The following LUZP2 variants were observed in gnomAD, a reference collection of about 807,000 sequenced individuals.
The protein encoded by LUZP2 is leucine zipper protein 2.
In LUZP2, 52 loss-of-function variants were observed where a neutral mutation model predicts 51.6. The ratio of observed to expected loss-of-function variants is 1.01; its 90% CI spans 0.81 to 1.27. The LOEUF (loss-of-function observed/expected upper bound fraction) is 1.27. LUZP2 is among the 50% of genes most tolerant of loss of function. The pLI is 0.00. For missense variants in LUZP2, 436 were observed against 395.4 expected (o/e 1.10, Z -0.87); for synonymous variants, 154 against 137.3 (o/e 1.12, Z -0.85).
At chr11:25,037,516 A>C (rs1857903084) in intron 9 of LUZP2, among the ~76,000 whole-genome samples, 1 of 152,050 alleles carries the variant, frequency 6.6e-6, no homozygotes, top group Non-Finnish European at 1.5e-5. Flanking sequence ...GCTGGTTGTC[A>C]TGTAGATTTG....
chr11:24,882,221 T>A (rs1852491385), intron 5 of LUZP2, among the ~76,000 whole-genome samples: 1 of 152,084 alleles, frequency 6.6e-6, no homozygotes. Context: ...ATATTGTCTA[T>A]TGTTCTGTAG....
intron 9 of LUZP2, among the ~76,000 whole-genome samples, chr11:25,024,535 T>C (rs555769867): frequency 6.6e-6 from 1 of 152,000 alleles, no homozygotes; most frequent in Admixed American, 6.6e-5. Context: ...CATGAGTGAA[T>C]TCCCATTTAC....
At chr11:24,677,594 C>G (rs1304823341) in intron 1 of LUZP2, among the ~76,000 whole-genome samples, 3 of 152,142 alleles carry the variant, frequency 2.0e-5, no homozygotes. Context: ...CCTGACCATT[C>G]TAGGTAGGTC....
At chr11:24,805,368 T>A (rs1421350519) in intron 5 of LUZP2, among the ~76,000 whole-genome samples, 1 of 152,076 alleles carries the variant, frequency 6.6e-6, no homozygotes, top group African/African-American at 2.4e-5. Context: ...CAATTCAATA[T>A]GAGATTTGGG....
intron 7 of LUZP2, among the ~76,000 whole-genome samples, chr11:24,919,843 C>T (rs932204262): frequency 1.3e-5 from 2 of 150,980 alleles, no homozygotes; most frequent in African/African-American, 4.8e-5. Flanking sequence ...CAATAGTTTA[C>T]TCTCCCATCA....
At chr11:25,034,741 C>A (rs1857797230) in intron 9 of LUZP2, among the ~76,000 whole-genome samples, 2 of 152,030 alleles carry the variant, frequency 1.3e-5, no homozygotes, top group South Asian at 4.1e-4. Context: ...AGGTGTCCGA[C>A]TTTATTTCTG....
At chr11:24,648,915 C>A (rs1360111020) in intron 1 of LUZP2, among the ~76,000 whole-genome samples, 1 of 151,782 alleles carries the variant, frequency 6.6e-6, no homozygotes, top group Non-Finnish European at 1.5e-5. Flanking sequence ...CTTTAATGAC[C>A]CCTCTAAATA....
intron 10 of LUZP2, among the ~76,000 whole-genome samples, chr11:25,068,637 G>C (rs893136018): frequency 5.9e-5 from 9 of 151,936 alleles, no homozygotes; most frequent in African/African-American, 2.2e-4. Context: ...GTAGAGTGCT[G>C]TTCATAAATC....
chr11:24,872,603 A>G (rs1045946546), intron 5 of LUZP2, among the ~76,000 whole-genome samples: 5 of 152,196 alleles, frequency 3.3e-5, no homozygotes, highest in African/African-American at 1.2e-4. Flanking sequence ...AGAGCAATTT[A>G]GGCATATGGA....
At chr11:25,069,236 C>T (rs994230769) in intron 10 of LUZP2, among the ~76,000 whole-genome samples, 29 of 151,686 alleles carry the variant, frequency 1.9e-4, no homozygotes, top group African/African-American at 7.0e-4. Context: ...TTGAACGATC[C>T]CAAATTTGCA....
intron 7 of LUZP2, among the ~76,000 whole-genome samples, chr11:24,918,445 C>G (rs1247914127): frequency 6.6e-6 from 1 of 151,820 alleles, no homozygotes; most frequent in Non-Finnish European, 1.5e-5. Flanking sequence ...CAGTTTTTGC[C>G]GATTCAGTAG....
At chr11:24,541,980 A>G (rs1851381338) in intron 1 of LUZP2, among the ~76,000 whole-genome samples, 1 of 152,082 alleles carries the variant, frequency 6.6e-6, no homozygotes, top group Admixed American at 6.6e-5. Context: ...TATTTCTGAG[A>G]CAGAATGGAT....
At chr11:24,656,180 G>GGA (rs927991704) in intron 1 of LUZP2, among the ~76,000 whole-genome samples, 2 of 152,114 alleles carry the variant, frequency 1.3e-5, no homozygotes, top group Admixed American at 1.3e-4. Flanking sequence ...ATGCTGCTTA[G>GGA]GAGTGTCTTA....
chr11:25,036,870 TA>T (rs991170892), intron 9 of LUZP2, among the ~76,000 whole-genome samples: 43 of 152,142 alleles, frequency 2.8e-4, no homozygotes, highest in Non-Finnish European at 1.5e-5. Context: ...CTTGCTTTAT[TA>T]TTGAACATGT....
chr11:24,557,016 C>T (rs1011600418), intron 1 of LUZP2, among the ~76,000 whole-genome samples: 3 of 152,162 alleles, frequency 2.0e-5, no homozygotes, highest in Non-Finnish European at 4.4e-5. Context: ...AATTTCCTCT[C>T]TTTCCATGTC....
At chr11:24,673,710 C>T (rs568212191) in intron 1 of LUZP2, among the ~76,000 whole-genome samples, 1 of 152,182 alleles carries the variant, frequency 6.6e-6, no homozygotes, top group Non-Finnish European at 1.5e-5. Context: ...GACATGTACA[C>T]ATGGTCAGCT....
At chr11:24,600,920 T>C (rs1853613325) in intron 1 of LUZP2, among the ~76,000 whole-genome samples, 1 of 152,142 alleles carries the variant, frequency 6.6e-6, no homozygotes, top group South Asian at 2.1e-4. Flanking sequence ...GTGTTACTCA[T>C]ATGAATATGT....
At chr11:24,520,369 G>C (rs1850605507) in intron 1 of LUZP2, among the ~76,000 whole-genome samples, 1 of 152,186 alleles carries the variant, frequency 6.6e-6, no homozygotes, top group Admixed American at 6.5e-5. Flanking sequence ...AAATACTTAT[G>C]TCTGTAGTTG....
chr11:24,826,189 A>AT (rs1423337904), intron 5 of LUZP2, among the ~76,000 whole-genome samples: 3,809 of 77,216 alleles, frequency 0.049, 124 homozygotes, highest in African/African-American at 0.13. Context: ...AAAAAAAAAA[A>AT]AATATATATA....
Sources: gnomAD v4.1 joint callset for allele counts (sites outside exome capture counted in the v4.1 genomes callset) on GRCh38, gnomAD v4.1.1 for gene constraint, MANE v1.5 for transcripts, NCBI Gene and HGNC (gene_info 2026-07-23, HGNC 2026-07-21) for gene names.